Variants in FIG4 observed in about 807,000 individuals in gnomAD.
FIG4 encodes polyphosphoinositide phosphatase.
A neutral mutation model predicts 118.6 loss-of-function variants in FIG4; 112 were observed. The ratio of observed to expected loss-of-function variants is 0.94; its 90% CI spans 0.81 to 1.11. The LOEUF is 1.11. Among genes scored for constraint, FIG4 ranks in the 50% least tolerant of loss-of-function variants. The probability of loss-of-function intolerance (pLI) is 0.00; values close to 1 mark genes in which losing one functional copy is unlikely to be tolerated. For synonymous variants in FIG4, 369 were observed against 381.2 expected (o/e 0.97, Z 0.37); for missense variants, 969 against 1,111.7 (o/e 0.87, Z 1.83).
chr6:109,777,383 G>A (rs903272286), intron 16 of FIG4, among the ~76,000 whole-genome samples: 1 of 152,122 alleles, frequency 6.6e-6, no homozygotes, highest in South Asian at 2.1e-4. Context: ...GGAAAATGTG[G>A]CTAGCAATTG....
At chr6:109,768,846 C>G (rs4947019) in intron 15 of FIG4, among the ~76,000 whole-genome samples, 14,454 of 152,118 alleles carry the variant, frequency 0.095, 971 homozygotes, top group East Asian at 0.25. Context: ...CAGCACAAAC[C>G]GGTGGCTCAA....
At chr6:109,770,434 A>C (rs1002072958) in intron 15 of FIG4, among the ~76,000 whole-genome samples, 4 of 152,188 alleles carry the variant, frequency 2.6e-5, no homozygotes, top group Non-Finnish European at 5.9e-5. Context: ...GTGTGTATGC[A>C]TGCATGGAGG....
intron 10 of FIG4, among the ~76,000 whole-genome samples, chr6:109,749,247 C>T (rs1046443733): frequency 2.6e-5 from 4 of 151,982 alleles, no homozygotes; most frequent in African/African-American, 7.3e-5. Context: ...TAAAATAAAT[C>T]ATTCAGATAT....
In FIG4 at chr6:109,741,502, A is replaced by AT; in HGVS notation, c.837dup (p.Ala280CysfsTer7). ...CTCTAATAGCTAGAAGATCCAGTAA[A>AT]TTTGCTGGCACCCGTTTTCTTAAAA... On this transcript the variant is annotated frameshift_variant, in exon 8 of 23. Transcript: ENST00000230124. LOFTEE classifies it high-confidence loss of function. 1 of 1,613,222 alleles carries AT rather than the reference A, an allele frequency of 6.2e-7. No individual in the cohort carries two copies. The highest frequency in any genetic ancestry group is 8.5e-7 in the Non-Finnish European group (1 of 1,179,336).
chr6:109,778,757 C>T (rs537331176), intron 16 of FIG4, among the ~76,000 whole-genome samples: 2 of 152,142 alleles, frequency 1.3e-5, no homozygotes, highest in African/African-American at 4.8e-5. Context: ...CACCACCATG[C>T]CCAGCTAATT....
At chr6:109,698,235 T>C (rs1171740657) in intron 1 of FIG4, among the ~76,000 whole-genome samples, 2 of 152,008 alleles carry the variant, frequency 1.3e-5, no homozygotes, top group Admixed American at 6.6e-5. Flanking sequence ...TACCAACTTG[T>C]CTTGATAATT....
intron 16 of FIG4, among the ~76,000 whole-genome samples, chr6:109,777,681 A>G (rs959259871): frequency 6.6e-6 from 1 of 152,168 alleles, no homozygotes; most frequent in Admixed American, 6.5e-5. Context: ...TCAGATAACC[A>G]CTTTCATGTC....
chr6:109,748,493 C>T (rs971029509), intron 10 of FIG4, among the ~76,000 whole-genome samples: 10 of 151,864 alleles, frequency 6.6e-5, no homozygotes, highest in East Asian at 5.8e-4. Flanking sequence ...AAAGAGGTCA[C>T]GAATAAGAAA....
At chr6:109,801,012 G>A (rs150761094) in intron 22 of FIG4, among the ~76,000 whole-genome samples, 86 of 152,256 alleles carry the variant, frequency 5.6e-4, no homozygotes, top group African/African-American at 1.9e-3. Context: ...AGACCAACAC[G>A]TTCTCATTTT....
intron 10 of FIG4, among the ~76,000 whole-genome samples, chr6:109,747,385 G>T (rs1583676398): frequency 6.6e-6 from 1 of 152,206 alleles, no homozygotes; most frequent in Admixed American, 6.6e-5. Context: ...ACATCCAGAG[G>T]AGTAGGAAGA....
chr6:109,774,787 A>G (rs933647147), intron 15 of FIG4, among the ~76,000 whole-genome samples: 1 of 152,016 alleles, frequency 6.6e-6, no homozygotes, highest in Non-Finnish European at 1.5e-5. Flanking sequence ...TCTTTCCTAC[A>G]TTTAGTTGGT....
In FIG4 at chr6:109,712,824, C is replaced by T. The variant is rs567536448; in HGVS notation, c.67-2254C>T. On this transcript the variant is annotated intron_variant, in intron 1 of 22. Transcript: ENST00000230124. ...AGGCACTTCTGGCTTTTTGAGTTGT[C>T]AGAGTTCTTGCACTGGTTCTTTCTC... Among the ~76,000 whole-genome samples, 30 of 152,298 alleles carry T rather than the reference C, an allele frequency of 2.0e-4. No homozygotes were observed. In the South Asian group the frequency reaches 3.9e-3, roughly 20 times the overall value.
At chr6:109,780,677 G>A (rs182103261) in intron 16 of FIG4, among the ~76,000 whole-genome samples, 12 of 152,238 alleles carry the variant, frequency 7.9e-5, no homozygotes, top group Admixed American at 5.2e-4. Flanking sequence ...GTGGCATGCT[G>A]TATCTTATAC....
chr6:109,776,282 C>A (rs1777617036), intron 15 of FIG4, among the ~76,000 whole-genome samples: 1 of 152,130 alleles, frequency 6.6e-6, no homozygotes, highest in South Asian at 2.1e-4. Flanking sequence ...TTTTGGAATG[C>A]TTGAATAGTT....
intron 1 of FIG4, among the ~76,000 whole-genome samples, chr6:109,692,110 T>G (rs1490956626): frequency 6.6e-6 from 1 of 152,224 alleles, no homozygotes; most frequent in East Asian, 1.9e-4. Flanking sequence ...TTTATTACTT[T>G]GAATGGCCAT....
Position 109,754,312 on chromosome 6 carries a change from C to G in FIG4, c.1138-5938C>G, listed in dbSNP as rs377125935. ...AGCCCACTTGATCATGGTGGATAAG[C>G]TTTTTGATGTGTTGCTGGATTCAGT... On this transcript the variant is annotated intron_variant, in intron 10 of 22. Transcript: ENST00000230124. Among the ~76,000 whole-genome samples, 75 of 152,240 alleles carry G rather than the reference C, an allele frequency of 4.9e-4. No individual in the cohort carries two copies. In the South Asian group the frequency reaches 0.014, roughly 29 times the overall value.
At chr6:109,824,932 C>A (rs1037137863) in intron 22 of FIG4, among the ~76,000 whole-genome samples, 156 bp from the exon 23 acceptor site, 1 of 152,154 alleles carries the variant, frequency 6.6e-6, no homozygotes, top group Non-Finnish European at 1.5e-5. Context: ...AGAAGAGAAC[C>A]AGCCTCGCAA....
intron 22 of FIG4, among the ~76,000 whole-genome samples, chr6:109,808,395 G>A (rs1778631548): frequency 7.0e-6 from 1 of 142,778 alleles, no homozygotes; most frequent in South Asian, 2.4e-4. Flanking sequence ...AGAAAAAAAT[G>A]CCAGTTTTAT....
At chr6:109,806,703 C>T (rs756531597) in intron 22 of FIG4, among the ~76,000 whole-genome samples, 4 of 151,860 alleles carry the variant, frequency 2.6e-5, no homozygotes, top group Admixed American at 6.6e-5. Context: ...TATACATGTG[C>T]CATGGTGGTT....
Sources: gnomAD v4.1 joint callset for allele counts (sites outside exome capture counted in the v4.1 genomes callset) on GRCh38, gnomAD v4.1.1 for gene constraint, MANE v1.5 for transcripts, NCBI Gene and HGNC (gene_info 2026-07-23, HGNC 2026-07-21) for gene names.